The following GRID2 variants were observed in gnomAD, a reference collection of about 807,000 sequenced individuals.
GRID2 encodes glutamate receptor ionotropic, delta-2.
A neutral mutation model predicts 114.8 loss-of-function variants in GRID2; 33 were observed. The observed-to-expected ratio is 0.29, with a 90% CI of 0.22 to 0.38. The LOEUF (loss-of-function observed/expected upper bound fraction) is 0.38, where lower values mean the gene tolerates loss of function less well. Ranked by LOEUF, GRID2 falls within the 10% of genes least tolerant of loss-of-function variation. GRID2 has a pLI of 1.00. For synonymous variants in GRID2, 505 were observed against 449.9 expected, an observed-to-expected ratio of 1.12 and a Z score of -1.55; for missense variants, 1,184 against 1,257.7, an observed-to-expected ratio of 0.94 and a Z score of 0.89.
At chr4:92,764,428 T>A (rs1738163593) in intron 2 of GRID2, among the ~76,000 whole-genome samples, 1 of 152,164 alleles carries the variant, frequency 6.6e-6, no homozygotes, top group African/African-American at 2.4e-5. Context: ...AGAGTGAGCA[T>A]GTGGACAACC....
intron 8 of GRID2, among the ~76,000 whole-genome samples, chr4:93,369,805 T>C (rs1004734756): frequency 1.3e-5 from 2 of 152,212 alleles, no homozygotes; most frequent in African/African-American, 4.8e-5. Context: ...TAGGTTTCTA[T>C]TGCTGCATTA....
At chr4:92,517,134 G>T (rs991537219) in intron 1 of GRID2, among the ~76,000 whole-genome samples, 21 of 151,818 alleles carry the variant, frequency 1.4e-4, no homozygotes, top group Non-Finnish European at 2.2e-4. Flanking sequence ...GCCCTCGTAG[G>T]CTTACCCAGC....
At chr4:93,208,996 TAAAC>T (rs1743134443) in intron 5 of GRID2, among the ~76,000 whole-genome samples, 2 of 152,080 alleles carry the variant, frequency 1.3e-5, no homozygotes. Flanking sequence ...TCAAAGAAAT[TAAAC>T]AATTCAGCAA....
chr4:93,304,706 A>C (rs1755239477), intron 8 of GRID2, among the ~76,000 whole-genome samples: 1 of 152,182 alleles, frequency 6.6e-6, no homozygotes, highest in African/African-American at 2.4e-5. Context: ...AAAAAAAATT[A>C]AACTAAAACA....
At chr4:93,350,169 G>A (rs1301419972) in intron 8 of GRID2, among the ~76,000 whole-genome samples, 1 of 152,054 alleles carries the variant, frequency 6.6e-6, no homozygotes, top group African/African-American at 2.4e-5. Flanking sequence ...GGAAAAGTCT[G>A]TCATTTATCT....
At chr4:92,524,841 A>G (rs750290077) in intron 1 of GRID2, among the ~76,000 whole-genome samples, 5 of 151,978 alleles carry the variant, frequency 3.3e-5, no homozygotes, top group Non-Finnish European at 7.4e-5. Flanking sequence ...TGCCTATGAC[A>G]ATGGCTGATG....
rs115334546 is a variant in GRID2 at position 92,451,239 on chromosome 4, G to A, written c.89-138892G>A. 9.4e-3 allele frequency among the ~76,000 whole-genome samples: 1,433 copies of A among 152,176 alleles called. 21 individuals are homozygous for A. The highest frequency in any genetic ancestry group is 0.033 in the African/African-American group (1,368 of 41,536). On this transcript the variant is annotated intron_variant, in intron 1 of 15. Transcript: ENST00000282020. ...GTGCCCACAGATAATTGGAGAATAC[G>A]TGTTTGAATCAGACTGATGAATTCT... is the stretch of plus-strand genomic sequence containing the variant.
chr4:92,932,037 G>A lies in GRID2; in HGVS notation c.245-152958G>A, dbSNP rs561733264. On this transcript the variant is annotated intron_variant, in intron 2 of 15. Coordinates refer to ENST00000282020, the MANE Select transcript of GRID2 (RefSeq NM_001510.4). ...TCTTCTCAATTTGGAAGTAGGCAAC[G>A]ATTTCATTGGCAAAAAATAAGAAGC... 6.6e-5 allele frequency among the ~76,000 whole-genome samples: 10 copies of A among 151,214 alleles called. No individual in the cohort carries two copies. The South Asian group carries it at 1.5e-3, about 22-fold the overall frequency.
At chr4:93,265,329 G>T (rs554667405) in intron 8 of GRID2, among the ~76,000 whole-genome samples, 16 of 152,246 alleles carry the variant, frequency 1.1e-4, no homozygotes, top group African/African-American at 3.6e-4. Flanking sequence ...ATTTAGGAAA[G>T]CTTCTCTCCA....
intron 11 of GRID2, among the ~76,000 whole-genome samples, chr4:93,478,444 G>A (rs1725532507): frequency 6.6e-6 from 1 of 151,830 alleles, no homozygotes; most frequent in South Asian, 2.1e-4. Flanking sequence ...GTCTCCTTCT[G>A]TAGGAAGTTC....
intron 1 of GRID2, among the ~76,000 whole-genome samples, chr4:92,565,670 G>A (rs985801818): frequency 6.6e-6 from 1 of 151,924 alleles, no homozygotes; most frequent in Admixed American, 6.6e-5. Flanking sequence ...CAGCGGTACA[G>A]TTCCTGGCAT....
intron 4 of GRID2, among the ~76,000 whole-genome samples, chr4:93,144,083 G>C (rs935293440): frequency 2.0e-5 from 3 of 152,110 alleles, no homozygotes; most frequent in African/African-American, 7.2e-5. Context: ...GGATTTCTGG[G>C]CCGCACCCCA....
At chr4:93,113,753 T>A (rs1408086323) in intron 4 of GRID2, among the ~76,000 whole-genome samples, 1 of 152,102 alleles carries the variant, frequency 6.6e-6, no homozygotes, top group Non-Finnish European at 1.5e-5. Flanking sequence ...TCATGAAATG[T>A]TGAGGAAGGA....
chr4:92,749,575 G>A (rs971339107), intron 2 of GRID2, among the ~76,000 whole-genome samples: 1 of 151,964 alleles, frequency 6.6e-6, no homozygotes, highest in African/African-American at 2.4e-5. Flanking sequence ...GGCCTCCCAA[G>A]ATTTGTACCA....
intron 2 of GRID2, among the ~76,000 whole-genome samples, chr4:92,742,926 C>G (rs971255292): frequency 1.3e-5 from 2 of 152,136 alleles, no homozygotes; most frequent in African/African-American, 4.8e-5. Context: ...TTTTATTCCA[C>G]TAGTTCTTTA....
rs554027451 is a variant in GRID2 at position 92,346,441 on chromosome 4, T to C, written c.88+41697T>C. On this transcript the variant is annotated intron_variant, in intron 1 of 15. Transcript: ENST00000282020. ...GTGCAGTGGTGCAGTCTCGGCTCAC[T>C]GCAGCCTTGACCTGCCAGGCTCAAC... is the stretch of plus-strand genomic sequence containing the variant. Among the ~76,000 whole-genome samples, 20 of 152,278 alleles carry C rather than the reference T, an allele frequency of 1.3e-4. No individual in the cohort carries two copies. In the East Asian group the frequency reaches 3.9e-3, roughly 29 times the overall value.
At chr4:92,562,591 C>A (rs748105251) in intron 1 of GRID2, among the ~76,000 whole-genome samples, 2 of 152,102 alleles carry the variant, frequency 1.3e-5, no homozygotes, top group Non-Finnish European at 2.9e-5. Flanking sequence ...AGAGCCCCCA[C>A]ACACAGATCA....
chr4:92,443,687 A>C (rs1385599166), intron 1 of GRID2, among the ~76,000 whole-genome samples: 1 of 151,970 alleles, frequency 6.6e-6, no homozygotes, highest in Non-Finnish European at 1.5e-5. Context: ...TGCCCGGAAA[A>C]GCTGAGAAGG....
At chr4:92,877,110 C>A (rs769758592) in intron 2 of GRID2, among the ~76,000 whole-genome samples, 3 of 152,288 alleles carry the variant, frequency 2.0e-5, no homozygotes, top group Non-Finnish European at 4.4e-5. Flanking sequence ...AAAAGAACTT[C>A]ATGCTAACTC....
Sources: allele counts gnomAD v4.1 joint callset (sites outside exome capture counted in the v4.1 genomes callset), GRCh38; gene constraint gnomAD v4.1.1; transcripts MANE v1.5; gene names NCBI Gene and HGNC (gene_info 2026-07-23, HGNC 2026-07-21).